Variants in MACROH2A2 observed in about 807,000 individuals in gnomAD.
The protein encoded by MACROH2A2 is core histone macro-H2A.2.
A neutral mutation model predicts 37.6 loss-of-function variants in MACROH2A2; 6 were observed. The ratio of observed to expected loss-of-function variants is 0.16; its 90% CI spans 0.09 to 0.32. The LOEUF is 0.32. Among genes scored for constraint, MACROH2A2 ranks in the 10% least tolerant of loss-of-function variants. MACROH2A2 has a pLI of 1.00. For missense variants in MACROH2A2, 290 were observed against 485.9 expected (o/e 0.60, Z 3.79); for synonymous variants, 192 against 202.7 (o/e 0.95, Z 0.45).
intron 2 of MACROH2A2, among the ~76,000 whole-genome samples, chr10:70,087,755 C>T (rs774430345): frequency 4.6e-5 from 7 of 152,170 alleles, no homozygotes; most frequent in African/African-American, 9.7e-5. Context: ...TCAGAAAACA[C>T]GGTCACTGCA....
chr10:70,105,695 GC>G (rs2136643198), intron 7 of MACROH2A2, among the ~76,000 whole-genome samples: 1 of 152,000 alleles, frequency 6.6e-6, no homozygotes, highest in African/African-American at 2.4e-5. Flanking sequence ...CAGACAGAGG[GC>G]TGGGGCCCGA....
chr10:70,077,914 C>G (rs1034376661), intron 2 of MACROH2A2, among the ~76,000 whole-genome samples: 2 of 152,118 alleles, frequency 1.3e-5, no homozygotes, highest in African/African-American at 4.8e-5. Flanking sequence ...CCCACTGGGA[C>G]TGGAAGACAC....
At chr10:70,070,100 T>A (rs542600661) in intron 1 of MACROH2A2, among the ~76,000 whole-genome samples, 1 of 152,238 alleles carries the variant, frequency 6.6e-6, no homozygotes, top group Non-Finnish European at 1.5e-5. Context: ...ATTCTTACTG[T>A]CCGTGTCCAG....
intron 8 of MACROH2A2, among the ~76,000 whole-genome samples, chr10:70,110,557 A>G (rs1038339623): frequency 6.6e-6 from 1 of 152,176 alleles, no homozygotes; most frequent in South Asian, 2.1e-4. Flanking sequence ...TAGCATTTTT[A>G]AAGCCAAGCT....
rs938433904 is a variant in MACROH2A2 at position 70,057,370 on chromosome 10, GA to G, written c.-60+4372del. On this transcript the variant is annotated intron_variant, in intron 1 of 8. Coordinates refer to ENST00000373255, the MANE Select transcript of MACROH2A2 (RefSeq NM_018649.3). ...ATTTGGGTGGGGGTGGGGAGTGGGA[GA>G]ATGCTAAATGATTGATCACTCAAGT... Among the ~76,000 whole-genome samples the G allele has an allele frequency of 1.5e-4, 23 of 152,010 alleles. 1 individual carries two copies. Among genetic ancestry groups the G allele is most frequent in the African/African-American group, 5.3e-4 (22 of 41,362 alleles).
chr10:70,069,164 C>T (rs1443171840), intron 1 of MACROH2A2, among the ~76,000 whole-genome samples: 2 of 152,156 alleles, frequency 1.3e-5, no homozygotes, highest in African/African-American at 4.8e-5. Flanking sequence ...AAAATCTAAC[C>T]TGTCGGTGTT....
chr10:70,085,426 A>AC (rs2072205276), intron 2 of MACROH2A2, among the ~76,000 whole-genome samples: 1 of 152,096 alleles, frequency 6.6e-6, no homozygotes, highest in Non-Finnish European at 1.5e-5. Context: ...CACAGACAGA[A>AC]CCCCAGGGAC....
At position 70,069,169 on chromosome 10, in the gene MACROH2A2, G is replaced by A. The variant is rs563309450; in HGVS notation, c.-59-6431G>A. Among the ~76,000 whole-genome samples the A allele has an allele frequency of 3.3e-5, 5 of 152,214 alleles. No homozygotes were observed. The South Asian group carries it at 6.2e-4, about 19-fold the overall frequency. On this transcript the variant is annotated intron_variant, in intron 1 of 8. Transcript: ENST00000373255. ...TGTTATATATAAAATCTAACCTGTC[G>A]GTGTTGTTATGGGCTTAAAAGCCAA...
At chr10:70,098,521 C>CT (rs1365059669) in intron 6 of MACROH2A2, 1 of 152,206 alleles carries the variant, frequency 6.6e-6, no homozygotes, top group African/African-American at 2.4e-5. Context: ...TCCTTCATCT[C>CT]TTTCTTATTT....
At chr10:70,101,546 A>G (rs1218052292) in intron 7 of MACROH2A2, among the ~76,000 whole-genome samples, 1 of 152,176 alleles carries the variant, frequency 6.6e-6, no homozygotes, top group Non-Finnish European at 1.5e-5. Flanking sequence ...TGGACCCCGG[A>G]CATGTTCCAA....
chr10:70,077,685 C>T (rs1424295176), intron 2 of MACROH2A2, among the ~76,000 whole-genome samples: 1 of 152,186 alleles, frequency 6.6e-6, no homozygotes, highest in Non-Finnish European at 1.5e-5. Flanking sequence ...TCCTAGCTAA[C>T]ACGGTGAAAC....
intron 2 of MACROH2A2, among the ~76,000 whole-genome samples, chr10:70,087,422 G>A (rs1321609816): frequency 6.6e-6 from 1 of 151,764 alleles, no homozygotes; most frequent in African/African-American, 2.4e-5. Context: ...TAGTAGAGAC[G>A]GGGTTTCACC....
intron 2 of MACROH2A2, among the ~76,000 whole-genome samples, chr10:70,084,156 T>C (rs2136631042): frequency 6.6e-6 from 1 of 152,320 alleles, no homozygotes; most frequent in Non-Finnish European, 1.5e-5. Flanking sequence ...TCCAGATTAT[T>C]GGGTCTCACC....
chr10:70,071,048 C>T (rs987914290), intron 1 of MACROH2A2, among the ~76,000 whole-genome samples: 15 of 148,746 alleles, frequency 1.0e-4, no homozygotes, highest in African/African-American at 2.7e-4. Flanking sequence ...CACGTGCATG[C>T]GTGTGTGGGC....
chr10:70,094,005 T>C (rs2072261026), intron 5 of MACROH2A2, among the ~76,000 whole-genome samples, 160 bp downstream of exon 5: 1 of 152,218 alleles, frequency 6.6e-6, no homozygotes, highest in African/African-American at 2.4e-5. Flanking sequence ...AGTGTCAGCA[T>C]TGTGAGAGTG....
chr10:70,098,421 GGAAA>G (rs2072288101), intron 6 of MACROH2A2: 1 of 151,766 alleles, frequency 6.6e-6, no homozygotes, highest in African/African-American at 2.4e-5. Context: ...AAGGAAGAAA[GGAAA>G]GAAAGAAAAT....
Position 70,091,897 on chromosome 10 carries a change from G to A in MACROH2A2, c.420G>A (p.Thr140=), listed in dbSNP as rs116804623. 27,523 of 1,614,024 alleles carry A rather than the reference G, an allele frequency of 0.017. 315 individuals carry two copies. The highest frequency in any genetic ancestry group is 0.02 in the Non-Finnish European group (24,056 of 1,179,978). The change falls in exon 4 of 9, where the codon ACG becomes ACA. Residue 140 remains threonine (T), a synonymous_variant. Coordinates refer to ENST00000373255, the MANE Select transcript of MACROH2A2 (RefSeq NM_018649.3). The part of the protein sequence containing the change: ...PPPEKRGRKA[T]SGKKGGKKSK... ...CAGAGAAAAGAGGCAGGAAGGCCAC[G>A]TCAGGCAAGAAGGGGGGGAAGAAAT...
At chr10:70,073,807 A>G (rs925946841) in intron 1 of MACROH2A2, among the ~76,000 whole-genome samples, 4 of 152,200 alleles carry the variant, frequency 2.6e-5, no homozygotes, top group Admixed American at 2.6e-4. Context: ...TTAACCAAGC[A>G]TTCATTTAAT....
At chr10:70,085,708 T>C (rs1005053085) in intron 2 of MACROH2A2, among the ~76,000 whole-genome samples, 7 of 152,224 alleles carry the variant, frequency 4.6e-5, no homozygotes, top group Admixed American at 2.0e-4. Flanking sequence ...ATGGTTACTA[T>C]TGCTAGAAGT....
Sources: gnomAD v4.1 joint callset for allele counts (sites outside exome capture counted in the v4.1 genomes callset) on GRCh38, gnomAD v4.1.1 for gene constraint, MANE v1.5 for transcripts, NCBI Gene and HGNC (gene_info 2026-07-23, HGNC 2026-07-21) for gene names.